TAFA4: variants seen among roughly 807,000 people sequenced by gnomAD.
The protein encoded by TAFA4 is TAFA chemokine like family member 4, also known as chemokine-like protein TAFA-4.
TAFA4 carries 20 observed loss-of-function variants against 21.1 expected under a neutral mutation model. That is an observed-to-expected ratio of 0.95 (90% confidence interval 0.67 to 1.38). The LOEUF is 1.38. Ranked by LOEUF, TAFA4 falls within the 40% of genes most tolerant of loss-of-function variation. TAFA4 has a pLI of 0.00. For synonymous variants in TAFA4, 71 were observed against 67.4 expected (o/e 1.05, Z -0.26); for missense variants, 211 against 180.9 (o/e 1.17, Z -0.95).
At chr3:68,853,626 A>T (rs1439299125) in intron 3 of TAFA4, among the ~76,000 whole-genome samples, 1 of 152,132 alleles carries the variant, frequency 6.6e-6, no homozygotes, top group Non-Finnish European at 1.5e-5. Flanking sequence ...CCAGTGTCTT[A>T]CCATCTGTTT....
chr3:68,796,901 C>T (rs1703462744), intron 3 of TAFA4, among the ~76,000 whole-genome samples: 1 of 152,108 alleles, frequency 6.6e-6, no homozygotes, highest in Non-Finnish European at 1.5e-5. Context: ...TCACTAATCA[C>T]AAGGGAAATG....
At chr3:68,796,642 A>C (rs1703458772) in intron 3 of TAFA4, among the ~76,000 whole-genome samples, 1 of 152,222 alleles carries the variant, frequency 6.6e-6, no homozygotes, top group Non-Finnish European at 1.5e-5. Context: ...ATTGAACTAC[A>C]TCAAAGTTTA....
At chr3:68,864,747 C>T (rs2089394494) in intron 3 of TAFA4, among the ~76,000 whole-genome samples, 1 of 152,112 alleles carries the variant, frequency 6.6e-6, no homozygotes. Flanking sequence ...GAATACTACT[C>T]AGCAATAAAA....
intron 4 of TAFA4, among the ~76,000 whole-genome samples, chr3:68,745,621 G>A (rs528076973): frequency 2.8e-4 from 43 of 152,176 alleles, no homozygotes; most frequent in Admixed American, 5.2e-4. Flanking sequence ...AATTTCATGT[G>A]ATAATTAGCT....
intron 1 of TAFA4, among the ~76,000 whole-genome samples, chr3:68,897,530 G>A (rs1444676285): frequency 6.6e-6 from 1 of 151,816 alleles, no homozygotes. Context: ...GGAGGCTGAG[G>A]CAGAAGAATC....
chr3:68,790,766 G>A (rs1033703162), intron 3 of TAFA4, among the ~76,000 whole-genome samples: 7 of 152,202 alleles, frequency 4.6e-5, no homozygotes, highest in African/African-American at 1.7e-4. Flanking sequence ...GCAGTGAGGG[G>A]TGAAAGGACC....
intron 3 of TAFA4, among the ~76,000 whole-genome samples, chr3:68,808,053 G>C (rs1004779445): frequency 1.3e-5 from 2 of 152,046 alleles, no homozygotes; most frequent in African/African-American, 2.4e-5. Context: ...ATTTAGCACA[G>C]AACAGTAAAG....
Position 68,739,160 on chromosome 3 carries a change from G to A in TAFA4, c.326C>T (p.Pro109Leu), listed in dbSNP as rs1189099397. 12 of 1,613,832 alleles carry A rather than the reference G, an allele frequency of 7.4e-6. No homozygotes were observed. Among genetic ancestry groups the A allele is most frequent in the South Asian group, 3.3e-5 (3 of 91,062 alleles). ...VIQKWWCHMN[P>L]CLEGEDCKVL... is the part of the protein sequence containing the mutation. ...TTTACAATCCTCTCCTTCCAAACAC[G>A]GATTCATGTGACACCACCATTTCTG... The change falls in exon 5 of 6, where the codon CCG becomes CTG. Residue 109 changes from proline to leucine, a missense_variant. Transcript: ENST00000295569.
At chr3:68,819,560 A>C (rs760264433) in intron 3 of TAFA4, among the ~76,000 whole-genome samples, 6 of 152,208 alleles carry the variant, frequency 3.9e-5, no homozygotes, top group Non-Finnish European at 7.3e-5. Context: ...AGAACCAGAC[A>C]GGGAGCTAAT....
intron 3 of TAFA4, among the ~76,000 whole-genome samples, chr3:68,767,984 C>A (rs997043466): frequency 1.3e-5 from 2 of 151,736 alleles, no homozygotes; most frequent in African/African-American, 2.4e-5. Flanking sequence ...CTACATTTTT[C>A]AGATTTGCTT....
intron 4 of TAFA4, among the ~76,000 whole-genome samples, chr3:68,746,062 C>T (rs551329693): frequency 4.9e-4 from 74 of 152,278 alleles, no homozygotes; most frequent in Admixed American, 4.2e-3. Flanking sequence ...ATCTTTCTCC[C>T]GTGCTGGATG....
intron 3 of TAFA4, among the ~76,000 whole-genome samples, chr3:68,850,627 A>C (rs1045483788): frequency 6.6e-6 from 1 of 152,048 alleles, no homozygotes; most frequent in African/African-American, 2.4e-5. Flanking sequence ...TTTGATTTGC[A>C]CTTCTCTAAT....
intron 3 of TAFA4, among the ~76,000 whole-genome samples, chr3:68,753,587 C>T (rs1702602749): frequency 6.6e-6 from 1 of 152,130 alleles, no homozygotes; most frequent in Non-Finnish European, 1.5e-5. Context: ...CTGCCTGCCT[C>T]AGCCTCCCAA....
intron 3 of TAFA4, among the ~76,000 whole-genome samples, chr3:68,851,942 A>G (rs1022988132): frequency 6.6e-6 from 1 of 152,144 alleles, no homozygotes; most frequent in South Asian, 2.1e-4. Flanking sequence ...AGGGCTCCTT[A>G]AAAGTACAGA....
intron 3 of TAFA4, among the ~76,000 whole-genome samples, chr3:68,808,810 T>A (rs1357685286): frequency 6.6e-6 from 1 of 152,218 alleles, no homozygotes; most frequent in Admixed American, 6.6e-5. Flanking sequence ...AAGGGTTTAC[T>A]TCTGACTTAA....
rs546206627 is a variant in TAFA4, at chr3:68,876,729, T to G, written c.130+4001A>C. The stretch of plus-strand genomic sequence containing the variant: ...ACAACATGCATATTTTGCATAATCA[T>G]TTATAACAGAAAAAAAAACAGAAAA... On this transcript the variant is annotated intron_variant, in intron 3 of 5. Coordinates refer to ENST00000295569, the MANE Select transcript of TAFA4 (RefSeq NM_182522.5). 6.1e-5 allele frequency among the ~76,000 whole-genome samples: 9 copies of G among 147,364 alleles called. No individual in the cohort carries two copies. In the South Asian group the frequency reaches 1.5e-3, roughly 24 times the overall value.
intron 3 of TAFA4, among the ~76,000 whole-genome samples, chr3:68,758,578 C>G (rs960529949): frequency 6.6e-6 from 1 of 152,214 alleles, no homozygotes; most frequent in Non-Finnish European, 1.5e-5. Context: ...TCCATTAAAC[C>G]TCTTTTCCTT....
chr3:68,909,613 G>T (rs761853401), intron 1 of TAFA4, among the ~76,000 whole-genome samples: 5 of 152,172 alleles, frequency 3.3e-5, no homozygotes, highest in Non-Finnish European at 5.9e-5. Flanking sequence ...GAAGATCCAG[G>T]CTCCACCAAA....
chr3:68,733,726 T>C (rs1183004739), intron 5 of TAFA4, among the ~76,000 whole-genome samples: 2 of 152,274 alleles, frequency 1.3e-5, no homozygotes, highest in East Asian at 3.9e-4. Context: ...TGTTAGTCAA[T>C]ATACCAGCAC....
Sources: allele counts gnomAD v4.1 joint callset (sites outside exome capture counted in the v4.1 genomes callset), GRCh38; gene constraint gnomAD v4.1.1; transcripts MANE v1.5; gene names NCBI Gene and HGNC (gene_info 2026-07-23, HGNC 2026-07-21).